BNC2: variants seen among roughly 807,000 people sequenced by gnomAD.
The protein encoded by BNC2 is zinc finger protein basonuclin-2.
In BNC2, 20 loss-of-function variants were observed where a neutral mutation model predicts 76.3. The ratio of observed to expected loss-of-function variants is 0.26; its 90% confidence interval spans 0.18 to 0.38. The LOEUF (loss-of-function observed/expected upper bound fraction) is 0.38. Among genes scored for constraint, BNC2 ranks in the 10% least tolerant of loss-of-function variants. The pLI is 1.00. For missense variants in BNC2, 1,382 were observed against 1,399.8 expected (o/e 0.99, Z 0.20); for synonymous variants, 582 against 514.8 (o/e 1.13, Z -1.77).
At chr9:16,559,122 A>G (rs1818932209) in intron 4 of BNC2, among the ~76,000 whole-genome samples, 1 of 152,186 alleles carries the variant, frequency 6.6e-6, no homozygotes, top group African/African-American at 2.4e-5. Flanking sequence ...AAGGAAAAAT[A>G]ATGGTGAGGA....
In BNC2 at chr9:16,469,288, CAT is replaced by C. The variant is rs147169244; in HGVS notation, c.670-31766_670-31765del. Among the ~76,000 whole-genome samples the C allele has an allele frequency of 1.5e-4, 23 of 152,286 alleles. No individual in the cohort carries two copies. In the East Asian group the frequency reaches 3.7e-3, roughly 24 times the overall value. On this transcript the variant is annotated intron_variant, in intron 5 of 6. Coordinates refer to ENST00000380672, the MANE Select transcript of BNC2 (RefSeq NM_017637.6). ...TGAGTAGTATCTCCCAGAATTCCCA[CAT>C]GTTGTAGGAAGGACCCGGGGGAGGT...
At chr9:16,692,649 G>C (rs1339971283) in intron 3 of BNC2, among the ~76,000 whole-genome samples, 1 of 152,144 alleles carries the variant, frequency 6.6e-6, no homozygotes, top group Non-Finnish European at 1.5e-5. Flanking sequence ...TAGGGGAAAG[G>C]AAAGCAAGCC....
At chr9:16,785,842 A>G (rs1203296732) in intron 1 of BNC2, among the ~76,000 whole-genome samples, 6 of 151,842 alleles carry the variant, frequency 4.0e-5, no homozygotes, top group Non-Finnish European at 7.4e-5. Flanking sequence ...ATAAAAATAC[A>G]CAAAAACTTG....
intron 5 of BNC2, among the ~76,000 whole-genome samples, chr9:16,479,441 G>T (rs10962442): frequency 0.012 from 1,868 of 152,130 alleles, 38 homozygotes; most frequent in African/African-American, 0.042. Context: ...TTTCAAAAAG[G>T]TTCATTTTCC....
intron 3 of BNC2, among the ~76,000 whole-genome samples, chr9:16,605,932 G>A (rs1424573775): frequency 2.0e-5 from 3 of 151,952 alleles, no homozygotes; most frequent in African/African-American, 7.3e-5. Flanking sequence ...TGGGACTACA[G>A]GTGCACACCA....
At chr9:16,705,237 C>T (rs184252396) in intron 3 of BNC2, among the ~76,000 whole-genome samples, 2 of 147,864 alleles carry the variant, frequency 1.4e-5, no homozygotes, top group African/African-American at 5.0e-5. Context: ...TAACACAATG[C>T]CATTTCCCTA....
In BNC2 at chr9:16,677,578, A is replaced by ACAC. The variant is rs61063092; in HGVS notation, c.330+50218_330+50219insGTG. Among the ~76,000 whole-genome samples, 572 of 139,332 alleles carry ACAC rather than the reference A, an allele frequency of 4.1e-3. 8 individuals are homozygous for ACAC. The highest frequency in any genetic ancestry group is 0.013 in the African/African-American group (464 of 35,516). The allele number at this position is 139,332 out of a possible 152,430, so 91.4% of individuals were successfully genotyped here. On this transcript the variant is annotated intron_variant, in intron 3 of 6. Transcript: ENST00000380672. ...ACAAAGCTAGACTTTGTCTCAAACA[A>ACAC]ACACACACACACACACACACACACA...
At chr9:16,658,478 G>C (rs1309480559) in intron 3 of BNC2, among the ~76,000 whole-genome samples, 8 of 152,160 alleles carry the variant, frequency 5.3e-5, no homozygotes, top group Admixed American at 4.6e-4. Context: ...GTAAATGCTT[G>C]TTTTCACCGT....
chr9:16,559,608 C>A (rs1432736469), intron 4 of BNC2, among the ~76,000 whole-genome samples: 2 of 152,222 alleles, frequency 1.3e-5, no homozygotes, highest in Non-Finnish European at 2.9e-5. Context: ...AAGTCCCTAA[C>A]TGCCAGCAAT....
At chr9:16,833,977 C>T (rs970187861) in intron 1 of BNC2, among the ~76,000 whole-genome samples, 3 of 152,154 alleles carry the variant, frequency 2.0e-5, no homozygotes, top group Admixed American at 1.3e-4. Flanking sequence ...AGTCCTTTTG[C>T]AATACTCAGC....
At chr9:16,719,468 C>G (rs1447305477) in intron 3 of BNC2, among the ~76,000 whole-genome samples, 2 of 152,182 alleles carry the variant, frequency 1.3e-5, no homozygotes, top group African/African-American at 2.4e-5. Flanking sequence ...CTGTTATCTT[C>G]CTTTTCAGAC....
At chr9:16,811,178 G>A (rs1374895863) in intron 1 of BNC2, among the ~76,000 whole-genome samples, 7 of 139,132 alleles carry the variant, frequency 5.0e-5, no homozygotes, top group African/African-American at 5.2e-5. Flanking sequence ...AGCCAAGATC[G>A]TGCCACTGCA....
chr9:16,838,886 T>C (rs563901581), intron 1 of BNC2, among the ~76,000 whole-genome samples: 5 of 152,340 alleles, frequency 3.3e-5, no homozygotes, highest in East Asian at 1.9e-4. Context: ...ACAACATTAA[T>C]AGTACTTGAG....
intron 1 of BNC2, among the ~76,000 whole-genome samples, chr9:16,869,692 G>C (rs141059041): frequency 1.3e-5 from 2 of 152,188 alleles, no homozygotes; most frequent in Admixed American, 6.5e-5. Flanking sequence ...TCACTTCCCC[G>C]AAAGCGGACA....
chr9:16,722,674 T>A (rs1468252481), intron 3 of BNC2, among the ~76,000 whole-genome samples: 2 of 152,244 alleles, frequency 1.3e-5, no homozygotes, highest in African/African-American at 2.4e-5. Flanking sequence ...AAATGAATCA[T>A]GTTGAAAATA....
chr9:16,821,496 ACTTT>A (rs199994912), intron 1 of BNC2, among the ~76,000 whole-genome samples: 2,918 of 152,266 alleles, frequency 0.019, 89 homozygotes, highest in African/African-American at 0.067. Flanking sequence ...ATGAAAATTA[ACTTT>A]CTTTTGTACA....
chr9:16,738,322 C>A (rs775306151), intron 2 of BNC2, 38 bp downstream of exon 2: 7 of 1,557,388 alleles, frequency 4.5e-6, no homozygotes, highest in African/African-American at 1.7e-5. Flanking sequence ...GCAAGTGTGT[C>A]CAAGTAACTT....
At chr9:16,678,330 G>C (rs1169411362) in intron 3 of BNC2, among the ~76,000 whole-genome samples, 3 of 127,230 alleles carry the variant, frequency 2.4e-5, no homozygotes, top group Non-Finnish European at 4.7e-5. Context: ...CCAGGCTGGA[G>C]TGCAGTGGTG....
chr9:16,754,638 A>G (rs1352712314), intron 1 of BNC2, among the ~76,000 whole-genome samples: 1 of 152,022 alleles, frequency 6.6e-6, no homozygotes, highest in African/African-American at 2.4e-5. Context: ...ACTCACTACA[A>G]GCTCCACCTC....
Sources: gnomAD v4.1 joint callset for allele counts (sites outside exome capture counted in the v4.1 genomes callset) on GRCh38, gnomAD v4.1.1 for gene constraint, MANE v1.5 for transcripts, NCBI Gene and HGNC (gene_info 2026-07-23, HGNC 2026-07-21) for gene names.